The following CUBN variants were observed in gnomAD, a reference collection of about 807,000 sequenced individuals.
CUBN encodes 460 kDa receptor.
CUBN carries 282 observed loss-of-function variants against 405.3 expected under a neutral mutation model. The ratio of observed to expected loss-of-function variants is 0.70; its 90% CI spans 0.63 to 0.77. The LOEUF is 0.77. Among genes scored for constraint, CUBN ranks in the 30% least tolerant of loss-of-function variants. The pLI is 0.00. For synonymous variants in CUBN, 1,684 were observed against 1,617.0 expected, an observed-to-expected ratio of 1.04 and a Z score of -0.99; for missense variants, 4,514 against 4,475.2, an observed-to-expected ratio of 1.01 and a Z score of -0.25.
At chr10:16,934,713 A>G (rs1588664548) in intron 39 of CUBN, among the ~76,000 whole-genome samples, 1 of 152,210 alleles carries the variant, frequency 6.6e-6, no homozygotes, top group Non-Finnish European at 1.5e-5. Context: ...CCAATGAACT[A>G]TGAGCAAAAG....
chr10:16,981,621 G>C (rs1352485053), intron 31 of CUBN, among the ~76,000 whole-genome samples: 4 of 152,158 alleles, frequency 2.6e-5, no homozygotes, highest in Non-Finnish European at 5.9e-5. Context: ...ATTGTAACAA[G>C]CTTGGACGCT....
At chr10:16,991,724 C>T (rs2932891) in intron 28 of CUBN, among the ~76,000 whole-genome samples, 110,579 of 150,682 alleles carry the variant, frequency 0.73, 42,581 homozygotes, top group Non-Finnish European at 0.87. Flanking sequence ...GTGCGATCAT[C>T]AAAAAGTCAG....
chr10:17,051,662 T>C (rs1385660832), intron 22 of CUBN, among the ~76,000 whole-genome samples: 4 of 151,764 alleles, frequency 2.6e-5, no homozygotes, highest in African/African-American at 9.7e-5. Context: ...AAATTAAAAC[T>C]TCATGACAAG....
At chr10:16,903,159 T>C (rs2131427733) in intron 51 of CUBN, among the ~76,000 whole-genome samples, 1 of 152,334 alleles carries the variant, frequency 6.6e-6, no homozygotes, top group Admixed American at 6.5e-5. Flanking sequence ...TTTCATATAA[T>C]TCATCACATT....
intron 30 of CUBN, 141 bp downstream of exon 30, chr10:16,983,964 A>G: frequency 2.3e-6 from 2 of 851,820 alleles, no homozygotes; most frequent in East Asian, 4.9e-5. Flanking sequence ...AGGGAAGGGT[A>G]TATGTCAGGT....
intron 38 of CUBN, 23 bp from the exon 39 acceptor site, chr10:16,937,807 G>C (rs756699977): frequency 1.9e-6 from 3 of 1,591,966 alleles, no homozygotes; most frequent in Non-Finnish European, 2.6e-6. Flanking sequence ...ACAGATAATA[G>C]AGCATTGTAT....
chr10:17,040,224 C>T (rs950679201), intron 27 of CUBN, among the ~76,000 whole-genome samples: 82 of 152,042 alleles, frequency 5.4e-4, no homozygotes, highest in African/African-American at 1.9e-3. Context: ...GTCCTGTTAT[C>T]AGAGCAAGTA....
chr10:16,890,310 C>A (rs1840965306), intron 55 of CUBN, 61 bp downstream of exon 55: 1 of 1,581,392 alleles, frequency 6.3e-7, no homozygotes. Context: ...GCCAACCCTG[C>A]CTGCCTGTGA....
chr10:17,036,244 T>G (rs1271804192), intron 27 of CUBN, among the ~76,000 whole-genome samples: 1 of 152,148 alleles, frequency 6.6e-6, no homozygotes, highest in African/African-American at 2.4e-5. Context: ...TCTGGTTGTA[T>G]GCAAGCACTT....
At chr10:17,090,055 G>A (rs1467895136) in intron 14 of CUBN, among the ~76,000 whole-genome samples, 1 of 152,150 alleles carries the variant, frequency 6.6e-6, no homozygotes, top group African/African-American at 2.4e-5. Context: ...GGTTGAGGTT[G>A]CTGTGAGACA....
intron 27 of CUBN, among the ~76,000 whole-genome samples, chr10:17,037,031 G>A (rs149677274): frequency 2.8e-4 from 43 of 152,212 alleles, no homozygotes; most frequent in African/African-American, 9.4e-4. Flanking sequence ...CTCACCTAAC[G>A]AATGGGGATA....
intron 33 of CUBN, 78 bp downstream of exon 33, chr10:16,952,198 G>A (rs1842938275): frequency 2.0e-6 from 2 of 978,372 alleles, no homozygotes; most frequent in Admixed American, 1.7e-5. Flanking sequence ...ACTGAGATAA[G>A]AAGGTTACTC....
rs1841867901 is a variant in CUBN at position 16,915,874 on chromosome 10, T to C, written c.7157A>G (p.Asn2386Ser). Residue 2386 changes from asparagine (N) to serine (S), a missense_variant, in exon 46 of 67, where the codon AAT becomes AGT. This residue lies in a region of CUBN where 1,613 missense variants were observed against 1,542.8 expected (regional missense o/e 1.05). Transcript: ENST00000377833. ...GAAGTCTTTTTCACAGCCAGAAGAA[T>C]TCTGAAGGTTAAAGTCTTCAAAAGA... The part of the protein sequence containing the change: ...TISFEDFNLQ[N>S]SSGCEKDFVE... The C allele has an allele frequency of 6.2e-7, 1 of 1,614,066 alleles. No homozygotes were observed. Among genetic ancestry groups the C allele is most frequent in the Middle Eastern group, 1.7e-4 (1 of 6,022 alleles).
intron 63 of CUBN, among the ~76,000 whole-genome samples, chr10:16,835,979 T>G (rs570306668): frequency 6.6e-6 from 1 of 152,206 alleles, no homozygotes; most frequent in Non-Finnish European, 1.5e-5. Flanking sequence ...ATTTTTAAAA[T>G]CAACTACATA....
intron 54 of CUBN, among the ~76,000 whole-genome samples, chr10:16,897,704 G>A (rs150464411): frequency 0.011 from 1,638 of 152,226 alleles, 28 homozygotes; most frequent in African/African-American, 0.038. Flanking sequence ...GCTGCTTGCC[G>A]AAGCTGGGTC....
Position 17,068,232 on chromosome 10 carries a change from C to T in CUBN, c.2840G>A (p.Gly947Asp), listed in dbSNP as rs1179795445. Reference protein sequence around the residue: ...TESTGTIQSPGHPNVYPHGIN... With the variant: ...TESTGTIQSPDHPNVYPHGIN... Reference sequence around the variant, plus strand: ...ACCGTGGGGGTAGACATTTGGATGGCCAGGACTTTGAATGGTCCCTGTTGA... The same window carrying T: ...ACCGTGGGGGTAGACATTTGGATGGTCAGGACTTTGAATGGTCCCTGTTGA... Residue 947 changes from glycine to aspartate, a missense_variant, in exon 21 of 67, where the codon GGC becomes GAC. Gly to Asp is a moderately conservative substitution (Grantham distance 94, BLOSUM62 -1). Coordinates refer to ENST00000377833, the MANE Select transcript of CUBN (RefSeq NM_001081.4). The T allele has an allele frequency of 3.1e-6, 5 of 1,613,536 alleles. No individual in the cohort carries two copies. The highest frequency in any genetic ancestry group is 4.2e-6 in the Non-Finnish European group (5 of 1,179,684).
chr10:17,025,773 A>G lies in CUBN; in HGVS notation c.4018-5790T>C, dbSNP rs12266767. On this transcript the variant is annotated intron_variant, in intron 27 of 66. Coordinates refer to ENST00000377833, the MANE Select transcript of CUBN (RefSeq NM_001081.4). Reference sequence around the variant, plus strand: ...TGAGGAGGTGGAGGCCAATCCTCGCAGTGTGTTGCTATGACAACTTGGGCA... The same window carrying G: ...TGAGGAGGTGGAGGCCAATCCTCGCGGTGTGTTGCTATGACAACTTGGGCA... Among the ~76,000 whole-genome samples the G allele has an allele frequency of 3.2e-3, 484 of 152,260 alleles. 2 individuals are homozygous for G. Among genetic ancestry groups the G allele is most frequent in the African/African-American group, 0.011 (450 of 41,544 alleles).
At chr10:16,906,859 C>T (rs754290555) in intron 49 of CUBN, among the ~76,000 whole-genome samples, 12 of 152,170 alleles carry the variant, frequency 7.9e-5, no homozygotes, top group Admixed American at 1.3e-4. Flanking sequence ...GGAACAGATG[C>T]TTCTTGTACC....
At position 17,100,045 on chromosome 10, in the gene CUBN, A is replaced by G. The variant is rs1462238790; in HGVS notation, c.1725T>C (p.Asn575=). 1 of 1,613,828 alleles carries G rather than the reference A, an allele frequency of 6.2e-7. No homozygotes were observed. Among genetic ancestry groups the G allele is most frequent in the Non-Finnish European group, 8.5e-7 (1 of 1,179,854 alleles). ...YFHLYSEHLR[N]GRGFTVRWET... ...CCCATCTTACTGTAAAGCCTCTCCC[A>G]TTTCTTAAATGTTCAGAATAGAGAT... Residue 575 remains asparagine, a synonymous_variant, in exon 14 of 67, where the codon AAT becomes AAC. Transcript: ENST00000377833.
Sources: allele counts gnomAD v4.1 joint callset (sites outside exome capture counted in the v4.1 genomes callset), GRCh38; gene constraint gnomAD v4.1.1; regional missense constraint gnomAD v4.1.1; transcripts MANE v1.5; gene names NCBI Gene and HGNC (gene_info 2026-07-23, HGNC 2026-07-21).